Variants in LINGO2 observed in about 807,000 individuals in gnomAD.
LINGO2 encodes the protein leucine-rich repeat and immunoglobulin-like domain-containing nogo receptor-interacting protein 2.
In LINGO2, 14 loss-of-function variants were observed where a neutral mutation model predicts 30.6. That is an observed-to-expected ratio of 0.46 (90% CI 0.30 to 0.72). The LOEUF (loss-of-function observed/expected upper bound fraction) is 0.72, where lower values mean the gene tolerates loss of function less well. Ranked by LOEUF, LINGO2 falls within the 30% of genes least tolerant of loss-of-function variation. LINGO2 has a pLI of 0.07. For missense variants in LINGO2, 729 were observed against 751.7 expected (o/e 0.97, Z 0.35); for synonymous variants, 317 against 288.5 (o/e 1.10, Z -1.00).
At chr9:28,862,685 T>C in the LINGO2 span, among the ~76,000 whole-genome samples, 1 of 152,130 alleles carries the variant, frequency 6.6e-6, no homozygotes, top group African/African-American at 2.4e-5. Flanking sequence ...GGTGTCCAGA[T>C]GTGTCACTTA....
At chr9:29,092,863 TA>T in the LINGO2 span, among the ~76,000 whole-genome samples, 4 of 136,588 alleles carry the variant, frequency 2.9e-5, 1 homozygote, top group African/African-American at 1.1e-4. Flanking sequence ...ATTCAGTCTT[TA>T]AAAACAAACT....
At chr9:27,943,430 C>T (rs1372699372), downstream of LINGO2, 3 of 152,070 alleles carry the variant, frequency 2.0e-5, no homozygotes, top group Non-Finnish European at 4.4e-5. Flanking sequence ...TATGCCAGCT[C>T]TTTTCTCATT....
chr9:28,979,884 C>G, the LINGO2 span, among the ~76,000 whole-genome samples: 98,889 of 151,906 alleles, frequency 0.65, 32,788 homozygotes, highest in Non-Finnish European at 0.72. Flanking sequence ...ATTATATTGC[C>G]GTTCAAATAA....
At chr9:28,650,189 T>C (rs1271702371) in intron 1 of LINGO2, among the ~76,000 whole-genome samples, 1 of 152,078 alleles carries the variant, frequency 6.6e-6, no homozygotes, top group African/African-American at 2.4e-5. Context: ...GGAATACTAG[T>C]GTTACAACTC....
At chr9:28,319,630 G>C (rs1457442494) in intron 3 of LINGO2, among the ~76,000 whole-genome samples, 2 of 152,096 alleles carry the variant, frequency 1.3e-5, no homozygotes, top group Non-Finnish European at 2.9e-5. Flanking sequence ...CATACTGTAT[G>C]ATTCCTGTTA....
the LINGO2 span, among the ~76,000 whole-genome samples, chr9:29,029,608 T>A: frequency 2.0e-5 from 3 of 152,144 alleles, no homozygotes; most frequent in Non-Finnish European, 2.9e-5. Context: ...GATTTTTACA[T>A]AAAGACTGTA....
At chr9:28,282,766 GA>G (rs1259916910) in intron 4 of LINGO2, among the ~76,000 whole-genome samples, 1 of 152,046 alleles carries the variant, frequency 6.6e-6, no homozygotes, top group African/African-American at 2.4e-5. Context: ...TCTTGGCTAG[GA>G]AATTATTTGA....
At chr9:28,549,854 G>A (rs909771169) in intron 1 of LINGO2, among the ~76,000 whole-genome samples, 3 of 150,644 alleles carry the variant, frequency 2.0e-5, no homozygotes, top group Non-Finnish European at 3.0e-5. Flanking sequence ...CTCTTTAATA[G>A]TTCTCGAAAA....
At chr9:28,594,520 C>T (rs1018099247) in intron 1 of LINGO2, among the ~76,000 whole-genome samples, 4 of 152,106 alleles carry the variant, frequency 2.6e-5, no homozygotes, top group African/African-American at 9.6e-5. Flanking sequence ...TTTACGCTTG[C>T]ACTTGCCTTC....
the LINGO2 span, among the ~76,000 whole-genome samples, chr9:28,714,164 A>ATATAT: frequency 8.5e-6 from 1 of 117,158 alleles, no homozygotes; most frequent in East Asian, 2.8e-4. Flanking sequence ...TGCCTCAAAT[A>ATATAT]ATATATATAT....
At chr9:28,981,952 T>G in the LINGO2 span, among the ~76,000 whole-genome samples, 1 of 152,058 alleles carries the variant, frequency 6.6e-6, no homozygotes, top group African/African-American at 2.4e-5. Context: ...AGATCACACT[T>G]TGATTCAACT....
the LINGO2 span, among the ~76,000 whole-genome samples, chr9:28,941,479 A>G: frequency 6.6e-6 from 1 of 152,130 alleles, no homozygotes; most frequent in African/African-American, 2.4e-5. Context: ...ATTATATAAT[A>G]TTGTGTGATA....
chr9:28,787,487 T>C, the LINGO2 span, among the ~76,000 whole-genome samples: 3 of 152,150 alleles, frequency 2.0e-5, no homozygotes, highest in Non-Finnish European at 4.4e-5. Flanking sequence ...GAGAAAAACC[T>C]ATTTCCTCAA....
chr9:28,788,365 T>C, the LINGO2 span, among the ~76,000 whole-genome samples: 5 of 152,340 alleles, frequency 3.3e-5, no homozygotes, highest in East Asian at 9.6e-4. Context: ...GGCAAGAAGA[T>C]TGTTCTGATA....
At chr9:28,185,360 CTA>C (rs1819504846) in intron 4 of LINGO2, among the ~76,000 whole-genome samples, 3 of 151,376 alleles carry the variant, frequency 2.0e-5, no homozygotes, top group Admixed American at 6.6e-5. Flanking sequence ...TACCATAACA[CTA>C]TGTTAGTATT....
intron 1 of LINGO2, among the ~76,000 whole-genome samples, chr9:28,592,658 G>C (rs1271738034): frequency 6.6e-6 from 1 of 152,028 alleles, no homozygotes; most frequent in Admixed American, 6.6e-5. Context: ...AATCCCTGTG[G>C]CCAAAGGTAT....
chr9:28,875,366 AAAGT>A, the LINGO2 span, among the ~76,000 whole-genome samples: 1 of 152,052 alleles, frequency 6.6e-6, no homozygotes, highest in Non-Finnish European at 1.5e-5. Flanking sequence ...GAACCATTTG[AAAGT>A]AAGTTGTAAA....
intron 1 of LINGO2, among the ~76,000 whole-genome samples, chr9:28,553,451 A>G (rs915250497): frequency 3.3e-5 from 5 of 152,052 alleles, no homozygotes; most frequent in African/African-American, 1.2e-4. Flanking sequence ...TTAGAGAAAA[A>G]AGAATAAAAA....
chr9:28,073,046 T>A (rs980298483), intron 4 of LINGO2, among the ~76,000 whole-genome samples: 2 of 151,976 alleles, frequency 1.3e-5, no homozygotes, highest in Non-Finnish European at 2.9e-5. Flanking sequence ...CATTACATCT[T>A]CACCAGACAC....
Sources: allele counts gnomAD v4.1 joint callset (sites outside exome capture counted in the v4.1 genomes callset), GRCh38; gene constraint gnomAD v4.1.1; transcripts MANE v1.5; gene names NCBI Gene and HGNC (gene_info 2026-07-23, HGNC 2026-07-21).